MAOB: variants seen among roughly 807,000 people sequenced by gnomAD.
MAOB encodes amine oxidase [flavin-containing] B.
A neutral mutation model predicts 41.9 loss-of-function variants in MAOB; 15 were observed. The observed-to-expected ratio is 0.36, with a 90% CI of 0.24 to 0.55. MAOB has a LOEUF of 0.55. Among genes scored for constraint, MAOB ranks in the 20% least tolerant of loss-of-function variants. MAOB has a pLI of 0.86. For synonymous variants in MAOB, 167 were observed against 144.2 expected, an observed-to-expected ratio of 1.16 and a Z score of -1.13; for missense variants, 345 against 398.7, an observed-to-expected ratio of 0.87 and a Z score of 1.15.
At chrX:43,810,453 T>G (rs2034732934) in intron 3 of MAOB, among the ~76,000 whole-genome samples, 1 of 110,192 alleles carries the variant, frequency 9.1e-6, no homozygotes, top group African/African-American at 3.3e-5. Context: ...ATTGTTATTT[T>G]AAGTAATTAA....
intron 1 of MAOB, among the ~76,000 whole-genome samples, chrX:43,870,877 T>C (rs9887047): frequency 0.058 from 6,336 of 108,701 alleles, 378 homozygotes; most frequent in African/African-American, 0.17. Context: ...AATTGCTTCT[T>C]CCTCCAACTG....
At position 43,818,809 on chromosome X, in the gene MAOB, AG is replaced by A. The variant is rs199556017; in HGVS notation, c.280-15406del. Among the ~76,000 whole-genome samples the A allele has an allele frequency of 9.9e-3, 1,112 of 112,254 alleles. 12 individuals are homozygous for A. The highest frequency in any genetic ancestry group is 0.014 in the Non-Finnish European group (771 of 53,256). On this transcript the variant is annotated intron_variant, in intron 3 of 14. Coordinates refer to ENST00000378069, the MANE Select transcript of MAOB (RefSeq NM_000898.5). ...ACACTGAAGAAGCGGAAATTAAATA[AG>A]ACATAGTTCCAGGCTCCAGAAGCTC...
rs143237436 is a variant in MAOB, at chrX:43,847,412, G to T, written c.47-3648C>A. ...ACCATCATAACTCATGAAGCACTTT[G>T]GTCTGGGTGAAGCGCTTTACACAAA... On this transcript the variant is annotated intron_variant, in intron 1 of 14. Coordinates refer to ENST00000378069, the MANE Select transcript of MAOB (RefSeq NM_000898.5). 5.5e-3 allele frequency among the ~76,000 whole-genome samples: 617 copies of T among 111,327 alleles called. 3 individuals are homozygous for T. The highest frequency in any genetic ancestry group is 0.019 in the African/African-American group (581 of 30,651).
In MAOB at chrX:43,769,538, C is replaced by T. The variant is rs959922114; in HGVS notation, c.1236-120G>A. 8 of 1,008,089 alleles carry T rather than the reference C, an allele frequency of 7.9e-6. No homozygotes were observed. In the African/African-American group the frequency reaches 1.6e-4, roughly 20 times the overall value. 83.1% of individuals were successfully genotyped at this position (1,008,089 alleles called of 1,213,427 possible). On this transcript the variant is annotated intron_variant, in intron 12 of 14. Coordinates refer to ENST00000378069, the MANE Select transcript of MAOB (RefSeq NM_000898.5). ...TCTAAACAATCAAGAAGGACATTGG[C>T]AATTTTGGAATAATGTTTATGTGGT... is the stretch of plus-strand genomic sequence containing the variant.
intron 1 of MAOB, among the ~76,000 whole-genome samples, chrX:43,849,625 G>T (rs2035235207): frequency 1.8e-5 from 2 of 112,951 alleles, no homozygotes; most frequent in South Asian, 7.2e-4. Context: ...ATGCCCTTGG[G>T]CAGGGCACCA....
At chrX:43,799,395 T>G (rs2034566438) in intron 5 of MAOB, among the ~76,000 whole-genome samples, 2 of 111,657 alleles carry the variant, frequency 1.8e-5, no homozygotes, top group Admixed American at 9.6e-5. Context: ...ATTTTTTAGG[T>G]GGATTGAGGG....
At chrX:43,860,983 T>C (rs1569231635) in intron 1 of MAOB, among the ~76,000 whole-genome samples, 2 of 112,410 alleles carry the variant, frequency 1.8e-5, no homozygotes, top group South Asian at 7.4e-4. Flanking sequence ...ATTTCCTGAC[T>C]CTGCTTCATT....
At chrX:43,872,157 A>C (rs2035412337) in intron 1 of MAOB, among the ~76,000 whole-genome samples, 2 of 112,171 alleles carry the variant, frequency 1.8e-5, no homozygotes, top group South Asian at 7.3e-4. Context: ...GTACCCAATA[A>C]ATTTAAAAGT....
chrX:43,773,583 C>G (rs898128375), intron 12 of MAOB, among the ~76,000 whole-genome samples: 6 of 112,372 alleles, frequency 5.3e-5, no homozygotes, highest in African/African-American at 1.9e-4. Context: ...GCTCTGTGTC[C>G]CCACTCAAAT....
intron 3 of MAOB, among the ~76,000 whole-genome samples, chrX:43,810,204 C>G (rs1011472319): frequency 2.4e-5 from 2 of 82,793 alleles, no homozygotes; most frequent in African/African-American, 9.9e-5. Context: ...GATCGCGCCA[C>G]TGCACTCCAG....
In MAOB at chrX:43,817,329, CT is replaced by C. The variant is rs113436504; in HGVS notation, c.280-13926del. 4.5e-3 allele frequency among the ~76,000 whole-genome samples: 498 copies of C among 110,527 alleles called. 7 individuals are homozygous for C. Among genetic ancestry groups the C allele is most frequent in the African/African-American group, 0.016 (481 of 30,382 alleles). On this transcript the variant is annotated intron_variant, in intron 3 of 14. Coordinates refer to ENST00000378069, the MANE Select transcript of MAOB (RefSeq NM_000898.5). Reference sequence around the variant, plus strand: ...TTGCCCGAAATCAGTTGCTTGACTTCTTTTTTTCTCCTATCCCATACATAAT... The same window carrying C: ...TTGCCCGAAATCAGTTGCTTGACTTCTTTTTTCTCCTATCCCATACATAAT...
intron 1 of MAOB, among the ~76,000 whole-genome samples, chrX:43,847,885 G>T (rs1035166686): frequency 8.9e-6 from 1 of 112,164 alleles, no homozygotes; most frequent in African/African-American, 3.2e-5. Context: ...CCCCATGACA[G>T]GCCCTTGGAT....
intron 10 of MAOB, among the ~76,000 whole-genome samples, chrX:43,779,538 A>G (rs999380856): frequency 1.8e-5 from 2 of 112,168 alleles, no homozygotes; most frequent in Non-Finnish European, 3.8e-5. Context: ...ATTTTATTAT[A>G]GTATAAAATG....
At position 43,778,489 on chromosome X, in the gene MAOB, G is replaced by A. The variant is rs1222317626; in HGVS notation, c.1137+193C>T. Among the ~76,000 whole-genome samples, 7 of 111,721 alleles carry A rather than the reference G, an allele frequency of 6.3e-5. No homozygotes were observed. The highest frequency in any genetic ancestry group is 2.3e-4 in the African/African-American group (7 of 30,708). On this transcript the variant is annotated intron_variant, in intron 11 of 14. Coordinates refer to ENST00000378069, the MANE Select transcript of MAOB (RefSeq NM_000898.5). ...CAGCATATTGCAAGTTCCCTGACCT[G>A]CCACCAGCACAGCCAGGGCCCACAC...
intron 3 of MAOB, among the ~76,000 whole-genome samples, chrX:43,835,923 T>G (rs1350331302): frequency 2.7e-5 from 3 of 111,867 alleles, no homozygotes; most frequent in African/African-American, 9.8e-5. Context: ...CTATTTCCCA[T>G]TATCAGCCAC....
chrX:43,837,617 A>T (rs1026954383), intron 3 of MAOB, among the ~76,000 whole-genome samples: 9 of 112,892 alleles, frequency 8.0e-5, no homozygotes, highest in Admixed American at 3.7e-4. Context: ...ATGTTTCATG[A>T]TTTATGGTCA....
intron 3 of MAOB, among the ~76,000 whole-genome samples, chrX:43,834,022 C>A (rs1347895538): frequency 8.9e-6 from 1 of 112,194 alleles, no homozygotes; most frequent in Non-Finnish European, 1.9e-5. Context: ...GAGAAAATTA[C>A]TATTCTCCAC....
intron 1 of MAOB, among the ~76,000 whole-genome samples, chrX:43,866,372 C>A (rs1167991255): frequency 8.9e-6 from 1 of 112,020 alleles, no homozygotes; most frequent in Non-Finnish European, 1.9e-5. Context: ...CTGCTTTTTC[C>A]CAATTCACAA....
Position 43,865,051 on chromosome X carries a change from A to G in MAOB, c.46+17203T>C, listed in dbSNP as rs1435954014. 3.6e-5 allele frequency among the ~76,000 whole-genome samples: 4 copies of G among 112,243 alleles called. No homozygotes were observed. In the East Asian group the frequency reaches 1.1e-3, roughly 31 times the overall value. Reference sequence around the variant, plus strand: ...TGATCTAGCAGTTTCGCTCCCGGGTATATACCGAAGAGAAATAAAAATATC... The same window carrying G: ...TGATCTAGCAGTTTCGCTCCCGGGTGTATACCGAAGAGAAATAAAAATATC... On this transcript the variant is annotated intron_variant, in intron 1 of 14. Coordinates refer to ENST00000378069, the MANE Select transcript of MAOB (RefSeq NM_000898.5).
Sources: allele counts gnomAD v4.1 joint callset (sites outside exome capture counted in the v4.1 genomes callset), GRCh38; gene constraint gnomAD v4.1.1; transcripts MANE v1.5; gene names NCBI Gene and HGNC (gene_info 2026-07-23, HGNC 2026-07-21).